TAF4B: variants seen among roughly 807,000 people sequenced by gnomAD.
TAF4B encodes TATA-box binding protein associated factor 4b, also known as transcription initiation factor TFIID subunit 4B.
A neutral mutation model predicts 86.4 loss-of-function variants in TAF4B; 38 were observed. The observed-to-expected ratio is 0.44, with a 90% confidence interval of 0.34 to 0.58. TAF4B has a LOEUF of 0.58. Ranked by LOEUF, TAF4B falls within the 20% of genes least tolerant of loss-of-function variation. The pLI is 0.02. For missense variants in TAF4B, 988 were observed against 1,027.6 expected (o/e 0.96, Z 0.53); for synonymous variants, 388 against 391.2 (o/e 0.99, Z 0.10).
chr18:26,243,914 C>G (rs938585420), intron 1 of TAF4B, among the ~76,000 whole-genome samples: 2 of 152,332 alleles, frequency 1.3e-5, no homozygotes, highest in African/African-American at 4.8e-5. Flanking sequence ...TGCAGAACAG[C>G]AAATGTTGCT....
chr18:26,340,550 G>A (rs2057128075), intron 13 of TAF4B, among the ~76,000 whole-genome samples: 1 of 152,126 alleles, frequency 6.6e-6, no homozygotes, highest in Non-Finnish European at 1.5e-5. Flanking sequence ...CTAGGACAGT[G>A]GTTCTCAAAC....
intron 10 of TAF4B, 57 bp downstream of exon 10, chr18:26,315,455 T>C: frequency 1.4e-6 from 2 of 1,391,800 alleles, no homozygotes; most frequent in East Asian, 2.4e-5. Flanking sequence ...AGGGAAAATA[T>C]TATCAAAAGA....
chr18:26,275,309 C>G (rs375749259), intron 5 of TAF4B, among the ~76,000 whole-genome samples: 1 of 152,116 alleles, frequency 6.6e-6, no homozygotes. Flanking sequence ...GTGTGCATCA[C>G]CACGCTCGGC....
chr18:26,284,629 G>A (rs924632168), intron 6 of TAF4B, among the ~76,000 whole-genome samples: 18 of 152,216 alleles, frequency 1.2e-4, no homozygotes, highest in African/African-American at 4.1e-4. Context: ...TGTAATCCCA[G>A]CACTTTGGGA....
intron 11 of TAF4B, among the ~76,000 whole-genome samples, chr18:26,324,276 C>T (rs2144681063): frequency 6.6e-6 from 1 of 152,234 alleles, no homozygotes; most frequent in African/African-American, 2.4e-5. Context: ...TTCAGAGATA[C>T]ATGAATACCT....
chr18:26,302,906 T>C (rs995035858), intron 9 of TAF4B, among the ~76,000 whole-genome samples: 5 of 152,188 alleles, frequency 3.3e-5, no homozygotes, highest in African/African-American at 1.2e-4. Context: ...TAATCTTTTT[T>C]ATCTCTATTT....
At chr18:26,275,138 T>C in intron 5 of TAF4B, 85 bp downstream of exon 5, 3 of 1,283,496 alleles carry the variant, frequency 2.3e-6, no homozygotes, top group South Asian at 1.9e-5. Flanking sequence ...TTAAATGGGA[T>C]TTATTTAATT....
Position 26,285,914 on chromosome 18 carries a change from T to C in TAF4B, c.1005T>C (p.Pro335=), listed in dbSNP as rs1409709135. The change falls in exon 7 of 15, where the codon CCT becomes CCC. Residue 335 remains proline (P), a synonymous_variant. Coordinates refer to ENST00000269142, the MANE Select transcript of TAF4B (RefSeq NM_005640.3). ...KSVVALRQLL[P]NSQSFIQQCV... Reference sequence around the variant, plus strand: ...TGGTTGCCTTACGACAACTTCTGCCTAACTCCCAGAGCTTCATCCAGCAAT... The same window carrying C: ...TGGTTGCCTTACGACAACTTCTGCCCAACTCCCAGAGCTTCATCCAGCAAT... 1.9e-6 allele frequency: 3 copies of C among 1,612,256 alleles called. No homozygotes were observed. The highest frequency in any genetic ancestry group is 1.7e-6 in the Non-Finnish European group (2 of 1,178,742).
chr18:26,246,853 T>C (rs2055933634), intron 1 of TAF4B, among the ~76,000 whole-genome samples: 1 of 149,262 alleles, frequency 6.7e-6, no homozygotes, highest in South Asian at 2.1e-4. Flanking sequence ...CTTTTTTTTT[T>C]CTTTTTTGTT....
Position 26,275,956 on chromosome 18 carries a change from C to G in TAF4B, c.882+903C>G, listed in dbSNP as rs7245189. Among the ~76,000 whole-genome samples, 411 of 142,040 alleles carry G rather than the reference C, an allele frequency of 2.9e-3. 5 individuals are homozygous for G. The highest frequency in any genetic ancestry group is 0.019 in the East Asian group (94 of 4,884). The allele number at this position is 142,040 out of a possible 152,430, so 93.2% of individuals were successfully genotyped here. On this transcript the variant is annotated intron_variant, in intron 5 of 14. Coordinates refer to ENST00000269142, the MANE Select transcript of TAF4B (RefSeq NM_005640.3). ...GCTTGAACCTGGGAGGCAGAGGTTA[C>G]AGTAAGCTGAGATTGCACCACTGTA...
At chr18:26,371,782 G>A (rs971871328) in intron 14 of TAF4B, among the ~76,000 whole-genome samples, 2 of 152,066 alleles carry the variant, frequency 1.3e-5, no homozygotes, top group East Asian at 3.9e-4. Flanking sequence ...CCAAATTTAA[G>A]CCAGTTTACA....
chr18:26,276,793 T>C (rs530115787), intron 5 of TAF4B, among the ~76,000 whole-genome samples: 6 of 152,322 alleles, frequency 3.9e-5, no homozygotes, highest in Admixed American at 2.6e-4. Flanking sequence ...TTCTCTGAAA[T>C]GGAATACTCT....
rs540498946 is a variant in TAF4B, at chr18:26,325,019, C to T, written c.2134-1996C>T. Among the ~76,000 whole-genome samples the T allele has an allele frequency of 2.1e-3, 312 of 152,190 alleles. 2 individuals carry two copies. Among genetic ancestry groups the T allele is most frequent in the African/African-American group, 7.3e-3 (304 of 41,488 alleles). ...GTTACTCTTTTTAAAAAAGTGAAAT[C>T]CCCCCATCTCTTTCCACTCTTGAAC... On this transcript the variant is annotated intron_variant, in intron 11 of 14. Transcript: ENST00000269142.
chr18:26,340,219 G>C (rs2057125437), intron 13 of TAF4B, among the ~76,000 whole-genome samples: 1 of 152,060 alleles, frequency 6.6e-6, no homozygotes, highest in South Asian at 2.1e-4. Context: ...TGAATCATAA[G>C]GCTCATTACT....
intron 5 of TAF4B, among the ~76,000 whole-genome samples, chr18:26,280,842 A>T (rs2056439676): frequency 6.6e-6 from 1 of 152,180 alleles, no homozygotes; most frequent in African/African-American, 2.4e-5. Context: ...AAAAAGACAT[A>T]TGCACTTGTA....
Position 26,226,676 on chromosome 18 carries a change from T to G in TAF4B, c.-258T>G. 2.7e-6 allele frequency: 1 copy of G among 366,342 alleles called. No homozygotes were observed. Among genetic ancestry groups the G allele is most frequent in the Non-Finnish European group, 4.8e-6 (1 of 206,486 alleles). The allele number at this position is 366,342 out of a possible 1,614,324, so 22.7% of individuals were successfully genotyped here. A position where few individuals can be genotyped will look rare whatever the true frequency, so the allele number is the denominator to read the frequency against. On this transcript the variant is annotated 5_prime_UTR_variant, in exon 1 of 15. Coordinates refer to ENST00000269142, the MANE Select transcript of TAF4B (RefSeq NM_005640.3). ...GAGGCAGCGCACGTGTGAGCGCCGC[T>G]GAGGAAGCTGCGAGAGGTCGGGCGG... is the stretch of plus-strand genomic sequence containing the variant.
rs752156674 is a variant in TAF4B at position 26,227,204 on chromosome 18, C to T, written c.271C>T (p.Pro91Ser). Residue 91 changes from proline (P) to serine (S), a missense_variant, in exon 1 of 15, where the codon CCT (proline) becomes TCT (serine). Pro to Ser is a moderately conservative substitution (Grantham distance 74, BLOSUM62 -1). Around this residue, in one of 3 missense-constraint regions of TAF4B, gnomAD observed 747 missense variants for 737.9 expected, o/e 1.01. Transcript: ENST00000269142. ...CAGCAGCGGCCCTAGGCTGCCTGCTCCTCAGATAGTCGCCGTGAAAGCCCC... is the reference window on the plus strand; with the variant it reads ...CAGCAGCGGCCCTAGGCTGCCTGCTTCTCAGATAGTCGCCGTGAAAGCCCC... ...KVSSGPRLPA[P>S]QIVAVKAPNT... 7 of 1,614,050 alleles carry T rather than the reference C, an allele frequency of 4.3e-6. No individual in the cohort carries two copies. In the African/African-American group the frequency reaches 5.3e-5, roughly 12 times the overall value.
chr18:26,282,023 A>G lies in TAF4B; in HGVS notation c.935A>G (p.Lys312Arg), dbSNP rs779612908. The change falls in exon 6 of 15, where the codon AAG becomes AGG. Residue 312 changes from lysine (K) to arginine (R), a missense_variant. Coordinates refer to ENST00000269142, the MANE Select transcript of TAF4B (RefSeq NM_005640.3). ...EFTRKLYVEL[K>R]SSPQPHLVPF... ...ACTAGGAAACTGTATGTTGAACTCA[A>G]GTCTTCACCTCAGCCTCACCTGGTT... The G allele has an allele frequency of 8.7e-6, 14 of 1,613,440 alleles. No individual in the cohort carries two copies. The highest frequency in any genetic ancestry group is 1.1e-5 in the Non-Finnish European group (13 of 1,179,780).
chr18:26,335,321 GT>G, intron 13 of TAF4B, 90 bp downstream of exon 13: 1 of 1,135,208 alleles, frequency 8.8e-7, no homozygotes, highest in Non-Finnish European at 1.3e-6. Context: ...TTATTTTGCT[GT>G]TGCATACCAT....
Sources: allele counts gnomAD v4.1 joint callset (sites outside exome capture counted in the v4.1 genomes callset), GRCh38; gene constraint gnomAD v4.1.1; regional missense constraint gnomAD v4.1.1; transcripts MANE v1.5; gene names NCBI Gene and HGNC (gene_info 2026-07-23, HGNC 2026-07-21).